Variants in PCDHGA6 observed in about 807,000 individuals in gnomAD.
The protein encoded by PCDHGA6 is protocadherin gamma subfamily A, 6.
In PCDHGA6, 41 loss-of-function variants were observed where a neutral mutation model predicts 60.6. That is an observed-to-expected ratio of 0.68 (90% CI 0.53 to 0.88). PCDHGA6 has a LOEUF of 0.88. PCDHGA6 is among the 40% of genes least tolerant of loss of function. The pLI, the probability that PCDHGA6 is intolerant of heterozygous loss-of-function variation, is 0.00. For synonymous variants in PCDHGA6, 594 were observed against 524.4 expected, an observed-to-expected ratio of 1.13 and a Z score of -1.81; for missense variants, 1,312 against 1,203.0, an observed-to-expected ratio of 1.09 and a Z score of -1.34.
intron 1 of PCDHGA6, chr5:141,413,430 C>T (rs745782366): frequency 6.2e-7 from 1 of 1,614,078 alleles, no homozygotes; most frequent in Admixed American, 1.7e-5. Context: ...ACCCGCGCAG[C>T]GGCAGCTTGA....
At chr5:141,394,311 C>G in intron 1 of PCDHGA6, 3 of 1,613,986 alleles carry the variant, frequency 1.9e-6, no homozygotes, top group Non-Finnish European at 1.7e-6. Context: ...GCAGGGGGCG[C>G]CCCTGTCCTC....
chr5:141,402,451 G>A (rs2094267451), intron 1 of PCDHGA6, among the ~76,000 whole-genome samples: 1 of 152,016 alleles, frequency 6.6e-6, no homozygotes. Context: ...AATTATAATA[G>A]TTTACATATC....
rs780541121 is a variant in PCDHGA6 at position 141,477,533 on chromosome 5, G to A, written c.2425-17274G>A. ...TTACATTGAAGAAAACAACCTCCCCGGGGCTCCAATACTAAACCTAAGTGT... is the reference window on the plus strand; with the variant it reads ...TTACATTGAAGAAAACAACCTCCCCAGGGCTCCAATACTAAACCTAAGTGT... On this transcript the variant is annotated intron_variant, in intron 1 of 3. Coordinates refer to ENST00000517434, the MANE Select transcript of PCDHGA6 (RefSeq NM_018919.3). This position sits in a 1 kb window ranked among gnomAD's most constrained non-coding sequence, Gnocchi z 4.9. The A allele has an allele frequency of 6.2e-7, 1 of 1,614,010 alleles. No individual in the cohort carries two copies. The highest frequency in any genetic ancestry group is 1.1e-5 in the South Asian group (1 of 91,066).
At position 141,393,312 on chromosome 5, in the gene PCDHGA6, C is replaced by T. The variant is rs1308410982; in HGVS notation, c.2424+16805C>T. 8 of 1,613,494 alleles carry T rather than the reference C, an allele frequency of 5.0e-6. No homozygotes were observed. The East Asian group carries it at 8.9e-5, about 18-fold the overall frequency. On this transcript the variant is annotated intron_variant, in intron 1 of 3. Coordinates refer to ENST00000517434, the MANE Select transcript of PCDHGA6 (RefSeq NM_018919.3). ...TGACCCGGATGTGGGCGTGAACTCC[C>T]TCCAGAGCTACCAGCTCAGCCCCAA... is the stretch of plus-strand genomic sequence containing the variant.
chr5:141,391,196 T>C (rs887079701), intron 1 of PCDHGA6: 1 of 152,158 alleles, frequency 6.6e-6, no homozygotes, highest in Non-Finnish European at 1.5e-5. Flanking sequence ...ACAAAATATA[T>C]ACAAAATACC....
At chr5:141,398,593 G>A (rs2093676056) in intron 1 of PCDHGA6, 1 of 1,614,044 alleles carries the variant, frequency 6.2e-7, no homozygotes, top group Non-Finnish European at 8.5e-7. Flanking sequence ...TATACTAGAA[G>A]TAGCAGAAGA....
At position 141,489,786 on chromosome 5, in the gene PCDHGA6, G is replaced by A. The variant is rs758119518; in HGVS notation, c.2425-5021G>A. 8.7e-6 allele frequency: 14 copies of A among 1,614,194 alleles called. No individual in the cohort carries two copies. Among genetic ancestry groups the A allele is most frequent in the Non-Finnish European group, 1.2e-5 (14 of 1,180,014 alleles). ...CCAACAGCCACTTCTCTCTGAATGTGAAGACCCTAAAAGATGGGAAGCCAT... is the reference window on the plus strand; with the variant it reads ...CCAACAGCCACTTCTCTCTGAATGTAAAGACCCTAAAAGATGGGAAGCCAT... On this transcript the variant is annotated intron_variant, in intron 1 of 3. Transcript: ENST00000517434. This position sits in a 1 kb window ranked among gnomAD's most constrained non-coding sequence, Gnocchi z 4.5.
rs1406362621 is a variant in PCDHGA6, at chr5:141,477,099, G to A, written c.2425-17708G>A. On this transcript the variant is annotated intron_variant, in intron 1 of 3. Transcript: ENST00000517434. This position sits in a 1 kb window ranked among gnomAD's most constrained non-coding sequence, Gnocchi z 4.9. ...ATTTACATCCAGGCCAAAGACAAGG[G>A]CGCCAATCCCGAAGGAGCACATTGC... The A allele has an allele frequency of 6.2e-7, 1 of 1,614,256 alleles. No individual in the cohort carries two copies. Among genetic ancestry groups the A allele is most frequent in the Non-Finnish European group, 8.5e-7 (1 of 1,180,054 alleles).
chr5:141,399,865 C>T, intron 1 of PCDHGA6: 1 of 1,612,866 alleles, frequency 6.2e-7, no homozygotes, highest in African/African-American at 1.3e-5. Flanking sequence ...CGCTGCAGAG[C>T]CCGGCTACCT....
chr5:141,396,996 C>G (rs1435849865), intron 1 of PCDHGA6, among the ~76,000 whole-genome samples: 1 of 152,218 alleles, frequency 6.6e-6, no homozygotes, highest in Non-Finnish European at 1.5e-5. Context: ...TTTTATTAAT[C>G]TGACAAATGG....
intron 1 of PCDHGA6, chr5:141,403,191 G>T (rs368387997): frequency 6.2e-7 from 1 of 1,613,994 alleles, no homozygotes; most frequent in Non-Finnish European, 8.5e-7. Flanking sequence ...CTGAACCCGC[G>T]CAGCGGCACC....
chr5:141,441,954 C>T, intron 1 of PCDHGA6: 1 of 319,608 alleles, frequency 3.1e-6, no homozygotes, highest in Non-Finnish European at 6.0e-6. Context: ...TGCAGGCCAG[C>T]AAGCCCAGGC....
chr5:141,398,854 A>C, intron 1 of PCDHGA6: 1 of 1,613,984 alleles, frequency 6.2e-7, no homozygotes, highest in Non-Finnish European at 8.5e-7. Flanking sequence ...CCCGGTATTC[A>C]ACCGAGACGT....
At chr5:141,463,784 T>G (rs2099069378) in intron 1 of PCDHGA6, among the ~76,000 whole-genome samples, 1 of 152,194 alleles carries the variant, frequency 6.6e-6, no homozygotes, top group South Asian at 2.1e-4. Context: ...CTGCACTGTC[T>G]TTTGAACAAA....
intron 1 of PCDHGA6, chr5:141,394,634 C>T (rs764703837): frequency 2.5e-6 from 4 of 1,613,328 alleles, no homozygotes; most frequent in Non-Finnish European, 1.7e-6. Flanking sequence ...TGTCCTACCG[C>T]CTGCTCAAGG....
intron 1 of PCDHGA6, chr5:141,430,760 A>C: frequency 1.3e-6 from 2 of 1,505,596 alleles, no homozygotes; most frequent in Non-Finnish European, 8.9e-7. Context: ...GAAGATAAGA[A>C]TGATTCCTGC....
chr5:141,496,021 G>C lies in PCDHGA6; in HGVS notation c.2483+1156G>C, dbSNP rs1011612662. Among the ~76,000 whole-genome samples, 3 of 151,454 alleles carry C rather than the reference G, an allele frequency of 2.0e-5. No individual in the cohort carries two copies. The East Asian group carries it at 5.8e-4, about 29-fold the overall frequency. ...CTTTTATCTTGTCTTTTTTCTCTGA[G>C]CCTCTGTCTCTGTCTCTCATTTTTT... On this transcript the variant is annotated intron_variant, in intron 2 of 3. Coordinates refer to ENST00000517434, the MANE Select transcript of PCDHGA6 (RefSeq NM_018919.3).
Position 141,374,348 on chromosome 5 carries a change from AG to A in PCDHGA6, c.267del (p.Ile90Ter), listed in dbSNP as rs750321680. The A allele has an allele frequency of 1.9e-6, 3 of 1,613,910 alleles. No individual in the cohort carries two copies. The African/African-American group carries it at 4.0e-5, about 22-fold the overall frequency. On this transcript the variant is annotated frameshift_variant, in exon 1 of 4. Coordinates refer to ENST00000517434, the MANE Select transcript of PCDHGA6 (RefSeq NM_018919.3). LOFTEE classifies it high-confidence loss of function. ...PRNGSLVTAGRIDREELCAQS... is the reference protein window; with the variant it reads ...PRNGSLVTAGXIDREELCAQS... ...AAACGGCAGCTTGGTCACCGCGGGT[AG>A]GATAGACCGCGAGGAGCTCTGTGCT...
chr5:141,417,028 GTTT>G, intron 1 of PCDHGA6: 2 of 150,056 alleles, frequency 1.3e-5, no homozygotes, highest in East Asian at 3.9e-4. Flanking sequence ...AAAAATACAG[GTTT>G]TTTTTTTAAA....
Sources: gnomAD v4.1 joint callset for allele counts (sites outside exome capture counted in the v4.1 genomes callset) on GRCh38, gnomAD v4.1.1 for gene constraint, Gnocchi (gnomAD v3.1) non-coding constraint, MANE v1.5 for transcripts, NCBI Gene and HGNC (gene_info 2026-07-23, HGNC 2026-07-21) for gene names.